The following MDGA2 variants were observed in gnomAD, a reference collection of about 807,000 sequenced individuals.
MDGA2 encodes MAM domain-containing glycosylphosphatidylinositol anchor protein 2.
A neutral mutation model predicts 117.8 loss-of-function variants in MDGA2; 40 were observed. The observed-to-expected ratio is 0.34, with a 90% CI of 0.26 to 0.44. MDGA2 has a LOEUF of 0.44. Among genes scored for constraint, MDGA2 ranks in the 20% least tolerant of loss-of-function variants. The pLI is 1.00. For missense variants in MDGA2, 1,123 were observed against 1,250.6 expected, an observed-to-expected ratio of 0.90 and a Z score of 1.54; for synonymous variants, 452 against 439.0, an observed-to-expected ratio of 1.03 and a Z score of -0.37.
At chr14:47,619,471 T>G (rs904298042) in intron 1 of MDGA2, among the ~76,000 whole-genome samples, 3 of 152,124 alleles carry the variant, frequency 2.0e-5, no homozygotes, top group Non-Finnish European at 1.5e-5. Flanking sequence ...TCTTCATACA[T>G]CAAGTGAAGG....
chr14:46,996,375 G>C (rs1161532662), intron 8 of MDGA2: 1 of 152,156 alleles, frequency 6.6e-6, no homozygotes, highest in Non-Finnish European at 1.5e-5. Flanking sequence ...CCTCTTTCCT[G>C]AGGGAACCAC....
intron 5 of MDGA2, among the ~76,000 whole-genome samples, chr14:47,115,427 C>T (rs1474923525): frequency 6.6e-6 from 1 of 151,886 alleles, no homozygotes; most frequent in Non-Finnish European, 1.5e-5. Context: ...AAGGCCTTCC[C>T]TAAGAAACCC....
chr14:47,022,818 G>A (rs1312778271), intron 8 of MDGA2, among the ~76,000 whole-genome samples: 1 of 152,118 alleles, frequency 6.6e-6, no homozygotes, highest in Non-Finnish European at 1.5e-5. Context: ...ACCTTGACTG[G>A]AACATGAAAT....
intron 1 of MDGA2, among the ~76,000 whole-genome samples, chr14:47,369,311 G>A (rs1164381393): frequency 1.3e-5 from 2 of 151,556 alleles, no homozygotes; most frequent in Non-Finnish European, 2.9e-5. Context: ...TAGAACTTTA[G>A]GAACAAAAAA....
chr14:47,631,372 C>T (rs965125231), intron 1 of MDGA2, among the ~76,000 whole-genome samples: 2 of 152,198 alleles, frequency 1.3e-5, no homozygotes, highest in East Asian at 1.9e-4. Flanking sequence ...CCAGCCCAAA[C>T]TCCTTTCCAG....
intron 11 of MDGA2, 37 bp from the exon 12 acceptor site, chr14:46,877,546 AC>A (rs753410909): frequency 4.8e-6 from 7 of 1,467,630 alleles, no homozygotes; most frequent in Middle Eastern, 1.8e-4. Context: ...AAACAAAAAA[AC>A]AATGTTAGCA....
At chr14:47,631,934 T>C (rs1273188377) in intron 1 of MDGA2, among the ~76,000 whole-genome samples, 1 of 151,944 alleles carries the variant, frequency 6.6e-6, no homozygotes, top group African/African-American at 2.4e-5. Context: ...TTTTAAGTTT[T>C]TTTTTTTTTT....
At chr14:47,294,929 T>C (rs967440098) in intron 2 of MDGA2, among the ~76,000 whole-genome samples, 2 of 152,178 alleles carry the variant, frequency 1.3e-5, no homozygotes, top group African/African-American at 2.4e-5. Flanking sequence ...GCCTTGGTAG[T>C]TAAAAATGCA....
At position 47,061,368 on chromosome 14, in the gene MDGA2, G is replaced by C. The variant is rs763442459; in HGVS notation, c.1406C>G (p.Thr469Arg). Residue 469 changes from threonine (T) to arginine (R), a missense_variant, in exon 7 of 17, where the codon ACA becomes AGA. Coordinates refer to ENST00000399232, the MANE Select transcript of MDGA2 (RefSeq NM_001113498.3). Reference protein sequence around the residue: ...QTDPDVSPGTTNLDIIDLKFT... With the variant: ...QTDPDVSPGTRNLDIIDLKFT... Reference sequence around the variant, plus strand: ...TTTTAAATCAATGATGTCCAAGTTTGTTGTTCCCGGAGAGACATCAGGATC... The same window carrying C: ...TTTTAAATCAATGATGTCCAAGTTTCTTGTTCCCGGAGAGACATCAGGATC... 1 of 1,613,498 alleles carries C rather than the reference G, an allele frequency of 6.2e-7. No individual in the cohort carries two copies. The highest frequency in any genetic ancestry group is 1.1e-5 in the South Asian group (1 of 91,086).
intron 6 of MDGA2, among the ~76,000 whole-genome samples, chr14:47,066,944 T>C (rs1418430244): frequency 2.6e-5 from 4 of 151,996 alleles, no homozygotes; most frequent in African/African-American, 7.2e-5. Context: ...TGAAACCCCA[T>C]CTCTACTAAA....
At chr14:47,352,074 T>C (rs1594812212) in intron 1 of MDGA2, among the ~76,000 whole-genome samples, 1 of 152,174 alleles carries the variant, frequency 6.6e-6, no homozygotes, top group Non-Finnish European at 1.5e-5. Flanking sequence ...AAAGGAGTTA[T>C]CAGGATTCAT....
intron 8 of MDGA2, among the ~76,000 whole-genome samples, chr14:46,965,781 G>A (rs371726873): frequency 1.3e-4 from 20 of 152,182 alleles, no homozygotes; most frequent in East Asian, 7.7e-4. Context: ...TTAAAAAAAA[G>A]TTAGAGCTCA....
chr14:47,603,094 C>G (rs1321684879), intron 1 of MDGA2, among the ~76,000 whole-genome samples: 2 of 152,222 alleles, frequency 1.3e-5, no homozygotes, highest in African/African-American at 2.4e-5. Flanking sequence ...ATTGATGAGT[C>G]TATATATAAT....
chr14:47,424,288 T>C lies in MDGA2; in HGVS notation c.281-122738A>G, dbSNP rs1892640475. Among the ~76,000 whole-genome samples, 5 of 151,990 alleles carry C rather than the reference T, an allele frequency of 3.3e-5. No individual in the cohort carries two copies. The South Asian group carries it at 1.0e-3, about 32-fold the overall frequency. On this transcript the variant is annotated intron_variant, in intron 1 of 16. Coordinates refer to ENST00000399232, the MANE Select transcript of MDGA2 (RefSeq NM_001113498.3). The stretch of plus-strand genomic sequence containing the variant: ...AAATTTTAAAAATTAGCTGGTGTGA[T>C]GGTTTGTGCCTGTGGTTCCAGCCAT...
At chr14:46,913,563 C>T (rs565248809) in intron 10 of MDGA2, among the ~76,000 whole-genome samples, 12 of 152,164 alleles carry the variant, frequency 7.9e-5, no homozygotes, top group African/African-American at 1.2e-4. Context: ...TACTGAAGAC[C>T]AAAATTAAAT....
intron 9 of MDGA2, among the ~76,000 whole-genome samples, chr14:46,936,638 C>T (rs1884791421): frequency 6.6e-6 from 1 of 151,778 alleles, no homozygotes; most frequent in African/African-American, 2.4e-5. Context: ...TGGATAGCTT[C>T]CAAATATCAC....
intron 2 of MDGA2, among the ~76,000 whole-genome samples, chr14:47,229,641 C>T (rs56159600): frequency 0.089 from 13,398 of 151,164 alleles, 619 homozygotes; most frequent in African/African-American, 0.11. Flanking sequence ...ATTAGAAATG[C>T]TATATTTTAA....
chr14:47,430,156 A>C (rs1013644905), intron 1 of MDGA2, among the ~76,000 whole-genome samples: 3 of 151,858 alleles, frequency 2.0e-5, no homozygotes, highest in Non-Finnish European at 4.4e-5. Context: ...CAATGGTAAT[A>C]GTCTTAAGCA....
At chr14:47,344,245 A>C (rs1890713500) in intron 1 of MDGA2, among the ~76,000 whole-genome samples, 1 of 152,158 alleles carries the variant, frequency 6.6e-6, no homozygotes, top group Non-Finnish European at 1.5e-5. Flanking sequence ...ACAATGCTGT[A>C]TTGTCAGGAC....
Sources: gnomAD v4.1 joint callset for allele counts (sites outside exome capture counted in the v4.1 genomes callset) on GRCh38, gnomAD v4.1.1 for gene constraint, MANE v1.5 for transcripts, NCBI Gene and HGNC (gene_info 2026-07-23, HGNC 2026-07-21) for gene names.